The following SORCS2 variants were observed in gnomAD, a reference collection of about 807,000 sequenced individuals.
SORCS2 encodes sortilin related VPS10 domain containing receptor 2.
SORCS2 carries 100 observed loss-of-function variants against 141.6 expected under a neutral mutation model. The observed-to-expected ratio is 0.71, with a 90% CI of 0.60 to 0.83. The LOEUF (loss-of-function observed/expected upper bound fraction) is 0.83. SORCS2 is among the 40% of genes least tolerant of loss of function. The pLI, the probability that SORCS2 is intolerant of heterozygous loss-of-function variation, is 0.00. For synonymous variants in SORCS2, 789 were observed against 676.9 expected, an observed-to-expected ratio of 1.17 and a Z score of -2.57; for missense variants, 1,646 against 1,560.2, an observed-to-expected ratio of 1.05 and a Z score of -0.93.
At chr4:7,368,003 G>C (rs1402752541) in intron 1 of SORCS2, among the ~76,000 whole-genome samples, 2 of 152,168 alleles carry the variant, frequency 1.3e-5, no homozygotes, top group African/African-American at 4.8e-5. Context: ...CTCAGCGCTG[G>C]GCTTCATGGA....
intron 2 of SORCS2, among the ~76,000 whole-genome samples, chr4:7,435,559 C>G (rs1727242236): frequency 6.6e-6 from 1 of 152,256 alleles, no homozygotes; most frequent in Admixed American, 6.5e-5. Flanking sequence ...CTTGCAAACT[C>G]AGGTCCTCGA....
chr4:7,624,349 A>T (rs1457271909), intron 3 of SORCS2, among the ~76,000 whole-genome samples: 2 of 152,228 alleles, frequency 1.3e-5, no homozygotes, highest in African/African-American at 4.8e-5. Context: ...TGGCCATTCA[A>T]TGCAGACCTT....
At chr4:7,239,792 A>T (rs1712561029) in intron 1 of SORCS2, among the ~76,000 whole-genome samples, 1 of 152,266 alleles carries the variant, frequency 6.6e-6, no homozygotes, top group African/African-American at 2.4e-5. Context: ...TAAAAGAGAA[A>T]AGAACTAACT....
At chr4:7,727,576 C>G (rs1459788342) in intron 21 of SORCS2, among the ~76,000 whole-genome samples, 2 of 152,196 alleles carry the variant, frequency 1.3e-5, no homozygotes, top group Non-Finnish European at 2.9e-5. Flanking sequence ...GTTGGGCTGC[C>G]CACACAGGCC....
chr4:7,738,912 C>G (rs977521915), intron 26 of SORCS2, among the ~76,000 whole-genome samples: 23 of 152,284 alleles, frequency 1.5e-4, no homozygotes, highest in African/African-American at 5.5e-4. Flanking sequence ...CTGCCCCACC[C>G]CCGGTGGGGG....
intron 2 of SORCS2, among the ~76,000 whole-genome samples, chr4:7,484,658 A>G (rs1268288333): frequency 6.6e-6 from 1 of 152,202 alleles, no homozygotes; most frequent in Non-Finnish European, 1.5e-5. Flanking sequence ...TTCTGATCCC[A>G]GTTTAAAAGC....
At chr4:7,287,738 C>T (rs1716325057) in intron 1 of SORCS2, among the ~76,000 whole-genome samples, 1 of 152,154 alleles carries the variant, frequency 6.6e-6, no homozygotes, top group Admixed American at 6.5e-5. Flanking sequence ...TCCTTAGTGG[C>T]TCTGGTGTAT....
At chr4:7,530,956 C>T (rs1364484584) in intron 2 of SORCS2, among the ~76,000 whole-genome samples, 1 of 152,172 alleles carries the variant, frequency 6.6e-6, no homozygotes, top group Non-Finnish European at 1.5e-5. Flanking sequence ...AACTCTGGTA[C>T]CTGCCTGCGG....
chr4:7,698,723 C>T (rs1039552334), intron 12 of SORCS2, among the ~76,000 whole-genome samples: 1 of 152,222 alleles, frequency 6.6e-6, no homozygotes, highest in Non-Finnish European at 1.5e-5. Flanking sequence ...CTGGCCAGGG[C>T]AGTGCTTGGT....
rs773437702 is a variant in SORCS2, at chr4:7,274,948, C to T, written c.480+81822C>T. Among the ~76,000 whole-genome samples the T allele has an allele frequency of 2.8e-4, 43 of 152,290 alleles. No individual in the cohort carries two copies. In the South Asian group the frequency reaches 3.7e-3, roughly 13 times the overall value. ...TCTCCAATGTGGCATGCCCACAACA[C>T]GCGCTCTGTGGGGTTGTCCGTGTGT... On this transcript the variant is annotated intron_variant, in intron 1 of 26. Transcript: ENST00000507866.
At chr4:7,601,584 A>C (rs1717671393) in intron 3 of SORCS2, among the ~76,000 whole-genome samples, 1 of 136,198 alleles carries the variant, frequency 7.3e-6, no homozygotes, top group Admixed American at 8.4e-5. Flanking sequence ...ACACCACTGC[A>C]CTCTAGCCTG....
At chr4:7,554,771 G>A (rs985064842) in intron 3 of SORCS2, among the ~76,000 whole-genome samples, 8 of 152,148 alleles carry the variant, frequency 5.3e-5, no homozygotes, top group Non-Finnish European at 8.8e-5. Flanking sequence ...AATGCTGTGT[G>A]GGCTGAACCC....
chr4:7,720,352 C>T (rs1199036934), intron 18 of SORCS2, among the ~76,000 whole-genome samples: 1 of 152,032 alleles, frequency 6.6e-6, no homozygotes, highest in Non-Finnish European at 1.5e-5. Flanking sequence ...ACCTCACACC[C>T]GATAGAAAAA....
chr4:7,737,736 C>T (rs115278634), intron 26 of SORCS2, among the ~76,000 whole-genome samples: 3,147 of 152,336 alleles, frequency 0.021, 51 homozygotes, highest in Middle Eastern at 0.041. Flanking sequence ...ACCTCAGCGG[C>T]GTAGCATCGT....
At chr4:7,726,400 C>T (rs1045126690) in intron 20 of SORCS2, among the ~76,000 whole-genome samples, 1 of 152,080 alleles carries the variant, frequency 6.6e-6, no homozygotes, top group Non-Finnish European at 1.5e-5. Context: ...TGGTGAAACC[C>T]CGTCTCTACT....
At chr4:7,636,432 A>G (rs1720263633) in intron 3 of SORCS2, among the ~76,000 whole-genome samples, 1 of 152,220 alleles carries the variant, frequency 6.6e-6, no homozygotes, top group Non-Finnish European at 1.5e-5. Context: ...GTGTGCTTGT[A>G]GGATCGGAGC....
At chr4:7,593,166 C>CA (rs1192052568) in intron 3 of SORCS2, among the ~76,000 whole-genome samples, 1 of 152,088 alleles carries the variant, frequency 6.6e-6, no homozygotes, top group African/African-American at 2.4e-5. Flanking sequence ...GGCCCTGTTT[C>CA]AAAAAACAAA....
intron 3 of SORCS2, among the ~76,000 whole-genome samples, chr4:7,545,957 T>G (rs1295052833): frequency 6.6e-6 from 1 of 152,178 alleles, no homozygotes; most frequent in African/African-American, 2.4e-5. Flanking sequence ...CTTCCTAGTT[T>G]ACAGGTGGCT....
In SORCS2 at chr4:7,664,594, T is replaced by C. The variant is rs144483086; in HGVS notation, c.1071+123T>C. The C allele has an allele frequency of 1.1e-3, 748 of 676,290 alleles. 6 individuals are homozygous for C. The highest frequency in any genetic ancestry group is 5.6e-3 in the African/African-American group (305 of 54,930). The allele number at this position is 676,290 out of a possible 1,614,324, so 41.9% of individuals were successfully genotyped here. A position where few individuals can be genotyped will look rare whatever the true frequency, so the allele number is the denominator to read the frequency against. The stretch of plus-strand genomic sequence containing the variant: ...AAACGGGTATTTCACTCTCAAATGC[T>C]ACTTCGCAGGTCACGGTTTCTGACC... On this transcript the variant is annotated intron_variant, in intron 7 of 26. Transcript: ENST00000507866. The surrounding 1 kb of genome is among the most constrained non-coding windows in gnomAD (Gnocchi z 4.7).
Sources: gnomAD v4.1 joint callset for allele counts (sites outside exome capture counted in the v4.1 genomes callset) on GRCh38, gnomAD v4.1.1 for gene constraint, Gnocchi (gnomAD v3.1) non-coding constraint, MANE v1.5 for transcripts, NCBI Gene and HGNC (gene_info 2026-07-23, HGNC 2026-07-21) for gene names.